Variants in TMEM11 observed in about 807,000 individuals in gnomAD.
TMEM11 encodes transmembrane protein 11.
In TMEM11, 1 loss-of-function variant was observed where a neutral mutation model predicts 17.0. The observed-to-expected ratio is 0.06, with a 90% confidence interval of 0.02 to 0.28. TMEM11 has a LOEUF of 0.28. Ranked by LOEUF, TMEM11 falls within the 10% of genes least tolerant of loss-of-function variation. TMEM11 has a pLI of 1.00. For synonymous variants in TMEM11, 122 were observed against 118.1 expected, an observed-to-expected ratio of 1.03 and a Z score of -0.21; for missense variants, 172 against 252.9, an observed-to-expected ratio of 0.68 and a Z score of 2.17.
rs376181647 is a variant in TMEM11 at position 21,198,707 on chromosome 17, G to A, written c.196C>T (p.Arg66Cys). Reference sequence around the variant, plus strand: ...CAGCGGGCTGTCTCGTCGCCAATGCGAGTGGGCTCAATCACAATGTACTTG... The same window carrying A: ...CAGCGGGCTGTCTCGTCGCCAATGCAAGTGGGCTCAATCACAATGTACTTG... The part of the protein sequence containing the change: ...QYKYIVIEPT[R>C]IGDETARWIT... Residue 66 changes from arginine (R) to cysteine (C), a missense_variant, in exon 2 of 2, where the codon CGC becomes TGC. Coordinates refer to ENST00000317635, the MANE Select transcript of TMEM11 (RefSeq NM_003876.3). This position sits in a 1 kb window ranked among gnomAD's most constrained non-coding sequence, Gnocchi z 6.5. 36 of 1,614,000 alleles carry A rather than the reference G, an allele frequency of 2.2e-5. No homozygotes were observed. In the African/African-American group the frequency reaches 3.9e-4, roughly 17 times the overall value.
chr17:21,203,717 A>C (rs1245165075), intron 1 of TMEM11, among the ~76,000 whole-genome samples: 1 of 151,670 alleles, frequency 6.6e-6, no homozygotes, highest in Non-Finnish European at 1.5e-5. Context: ...AAAAAAGAAA[A>C]AAGAAACTGC....
At chr17:21,207,004 AG>A (rs1362884460) in intron 1 of TMEM11, among the ~76,000 whole-genome samples, 1 of 152,188 alleles carries the variant, frequency 6.6e-6, no homozygotes, top group Non-Finnish European at 1.5e-5. Flanking sequence ...TGTACCAATT[AG>A]TGGTCCCTTC....
At chr17:21,207,025 C>T (rs1974949339) in intron 1 of TMEM11, among the ~76,000 whole-genome samples, 1 of 152,140 alleles carries the variant, frequency 6.6e-6, no homozygotes, top group Admixed American at 6.6e-5. Context: ...CACATCTCCC[C>T]AGCCCTCCAC....
At chr17:21,211,672 A>G (rs1975004654) in intron 1 of TMEM11, among the ~76,000 whole-genome samples, 1 of 152,242 alleles carries the variant, frequency 6.6e-6, no homozygotes, top group Non-Finnish European at 1.5e-5. Context: ...AGTACAATGC[A>G]TGCTTCAGAG....
Position 21,198,504 on chromosome 17 carries a change from C to T in TMEM11, c.399G>A (p.Lys133=). 1 of 1,614,238 alleles carries T rather than the reference C, an allele frequency of 6.2e-7. No homozygotes were observed. Among genetic ancestry groups the T allele is most frequent in the Non-Finnish European group, 8.5e-7 (1 of 1,180,048 alleles). The part of the protein sequence containing the change: ...GISWQFDPCC[K]YQVEYDAYKL... ...TATAGGCGTCGTACTCCACTTGGTA[C>T]TTGCAGCAAGGGTCAAACTGCCAGG... Residue 133 remains lysine, a synonymous_variant, in exon 2 of 2, where the codon AAG becomes AAA. Coordinates refer to ENST00000317635, the MANE Select transcript of TMEM11 (RefSeq NM_003876.3). The surrounding 1 kb of genome is among the most constrained non-coding windows in gnomAD (Gnocchi z 6.5).
chr17:21,210,020 G>T (rs1251021616), intron 1 of TMEM11, among the ~76,000 whole-genome samples: 3 of 152,154 alleles, frequency 2.0e-5, no homozygotes, highest in African/African-American at 7.2e-5. Context: ...CTCGGTCATG[G>T]AGTGCTGCCC....
chr17:21,212,935 A>T (rs1171051423), intron 1 of TMEM11, among the ~76,000 whole-genome samples: 1 of 152,270 alleles, frequency 6.6e-6, no homozygotes, highest in African/African-American at 2.4e-5. Flanking sequence ...AGGAAGAGGA[A>T]ATGCAGAATG....
chr17:21,203,442 T>G (rs1597770488), intron 1 of TMEM11, among the ~76,000 whole-genome samples: 1 of 152,146 alleles, frequency 6.6e-6, no homozygotes. Flanking sequence ...CATGACCAGG[T>G]GCGGTGGCTC....
intron 1 of TMEM11, among the ~76,000 whole-genome samples, chr17:21,202,572 C>T (rs368972070): frequency 2.0e-4 from 30 of 152,054 alleles, no homozygotes; most frequent in South Asian, 6.3e-4. Flanking sequence ...TCACCCCCTC[C>T]GGCCCCCCTG....
chr17:21,198,241 T>C lies in TMEM11; in HGVS notation c.*83A>G, dbSNP rs1974840677. On this transcript the variant is annotated 3_prime_UTR_variant, in exon 2 of 2. Coordinates refer to ENST00000317635, the MANE Select transcript of TMEM11 (RefSeq NM_003876.3). This position sits in a 1 kb window ranked among gnomAD's most constrained non-coding sequence, Gnocchi z 6.5. ...AGCCAAACACCTGCCCAGGCTCTGC[T>C]GCCTCACAGAGTGTGGCGATCTGAA... 1 of 1,480,080 alleles carries C rather than the reference T, an allele frequency of 6.8e-7. No individual in the cohort carries two copies. Among genetic ancestry groups the C allele is most frequent in the Non-Finnish European group, 9.1e-7 (1 of 1,094,352 alleles). 91.7% of individuals were successfully genotyped at this position (1,480,080 alleles called of 1,614,324 possible). A position where few individuals can be genotyped will look rare whatever the true frequency, so the allele number is the denominator to read the frequency against.
intron 1 of TMEM11, among the ~76,000 whole-genome samples, chr17:21,204,511 A>G (rs1438024534): frequency 1.3e-5 from 2 of 151,714 alleles, no homozygotes; most frequent in African/African-American, 4.8e-5. Context: ...AAGCAAGTTC[A>G]GGGGAAAAGG....
In TMEM11 at chr17:21,200,037, G is replaced by C. The variant is rs115347627; in HGVS notation, c.63-1197C>G. Among the ~76,000 whole-genome samples, 1,434 of 152,274 alleles carry C rather than the reference G, an allele frequency of 9.4e-3. 32 individuals carry two copies. Among genetic ancestry groups the C allele is most frequent in the African/African-American group, 0.033 (1,356 of 41,542 alleles). ...AACACTGCCACGGAGACCACACAAGGGGCTTTCCCCCCCGGGACTGGGGAT... is the reference window on the plus strand; with the variant it reads ...AACACTGCCACGGAGACCACACAAGCGGCTTTCCCCCCCGGGACTGGGGAT... On this transcript the variant is annotated intron_variant, in intron 1 of 1. Transcript: ENST00000317635.
chr17:21,214,094 T>C lies in TMEM11; in HGVS notation c.59A>G (p.Glu20Gly). Residue 20 changes from glutamate (E) to glycine (G), a missense_variant, in exon 1 of 2, where the codon GAG becomes GGG. Coordinates refer to ENST00000317635, the MANE Select transcript of TMEM11 (RefSeq NM_003876.3). ...GCAACAAGCCCTTGGATCTCACCTC[T>C]CTCGGGCGCTGCCGCCACTGCTGCC... ...GPGSSGGSAR[E>G]RVSLSATDCY... 1 of 1,610,130 alleles carries C rather than the reference T, an allele frequency of 6.2e-7. No individual in the cohort carries two copies. Among genetic ancestry groups the C allele is most frequent in the Non-Finnish European group, 8.5e-7 (1 of 1,179,226 alleles).
intron 1 of TMEM11, among the ~76,000 whole-genome samples, chr17:21,210,050 C>T (rs370345665): frequency 2.0e-5 from 3 of 152,178 alleles, no homozygotes; most frequent in Non-Finnish European, 2.9e-5. Flanking sequence ...CCCCGCACCT[C>T]GCTCATTGAA....
intron 1 of TMEM11, chr17:21,210,983 A>G: frequency 3.1e-6 from 4 of 1,289,712 alleles, no homozygotes; most frequent in Non-Finnish European, 4.0e-6. Flanking sequence ...GCCCTGAGAC[A>G]GTGAAGCCGA....
intron 1 of TMEM11, chr17:21,210,930 A>G: frequency 1.6e-6 from 2 of 1,281,798 alleles, no homozygotes; most frequent in Non-Finnish European, 2.0e-6. Context: ...ACACAGCTAT[A>G]CTCACATTCC....
At chr17:21,214,023 G>A (rs921002656) in intron 1 of TMEM11, 68 bp downstream of exon 1, 7 of 1,476,416 alleles carry the variant, frequency 4.7e-6, no homozygotes, top group East Asian at 4.8e-5. Context: ...TGCAGCCCTC[G>A]GAGGCCGCGC....
Position 21,198,946 on chromosome 17 carries a change from T to A in TMEM11, c.63-106A>T, listed in dbSNP as rs1445014084. On this transcript the variant is annotated intron_variant, in intron 1 of 1. Transcript: ENST00000317635. The surrounding 1 kb of genome is among the most constrained non-coding windows in gnomAD (Gnocchi z 6.5). ...CGCTGGGGGAGGTCTGAGCCTGCAC[T>A]GCGGAGAGCACATCTCACTTGGGTC... The A allele has an allele frequency of 8.1e-7, 1 of 1,240,004 alleles. No homozygotes were observed. The highest frequency in any genetic ancestry group is 1.1e-6 in the Non-Finnish European group (1 of 903,574). 76.8% of individuals were successfully genotyped at this position (1,240,004 alleles called of 1,614,324 possible).
intron 1 of TMEM11, chr17:21,211,107 A>C (rs1312216369): frequency 7.8e-7 from 1 of 1,289,788 alleles, no homozygotes; most frequent in South Asian, 1.2e-5. Flanking sequence ...TGTCTCAAAG[A>C]CGCCGACAGG....
Sources: allele counts gnomAD v4.1 joint callset (sites outside exome capture counted in the v4.1 genomes callset), GRCh38; gene constraint gnomAD v4.1.1; non-coding constraint Gnocchi (gnomAD v3.1); transcripts MANE v1.5; gene names NCBI Gene and HGNC (gene_info 2026-07-23, HGNC 2026-07-21).